The following ATP8B4 variants were observed in gnomAD, a reference collection of about 807,000 sequenced individuals.
ATP8B4 encodes the protein ATPase phospholipid transporting 8B4 (putative), also known as probable phospholipid-transporting ATPase IM.
Under a neutral mutation model 145.6 loss-of-function variants are expected in ATP8B4, and 133 were observed. That is an observed-to-expected ratio of 0.91 (90% CI 0.79 to 1.05). ATP8B4 has a LOEUF of 1.05. Among genes scored for constraint, ATP8B4 ranks in the 50% least tolerant of loss-of-function variants. The pLI is 0.00. For synonymous variants in ATP8B4, 507 were observed against 492.9 expected (o/e 1.03, Z -0.38); for missense variants, 1,458 against 1,425.2 (o/e 1.02, Z -0.37).
intron 1 of ATP8B4, among the ~76,000 whole-genome samples, chr15:50,181,365 T>C (rs1448620204): frequency 6.6e-6 from 1 of 152,188 alleles, no homozygotes; most frequent in Non-Finnish European, 1.5e-5. Flanking sequence ...AAAGAAATGG[T>C]TTTTGAGTCA....
chr15:49,921,031 A>T (rs749150644), intron 17 of ATP8B4, among the ~76,000 whole-genome samples: 1 of 152,190 alleles, frequency 6.6e-6, no homozygotes, highest in Admixed American at 6.5e-5. Flanking sequence ...TAGATGTTAA[A>T]TAGTCAGATA....
intron 25 of ATP8B4, among the ~76,000 whole-genome samples, chr15:49,867,153 G>A (rs74925066): frequency 6.6e-6 from 1 of 152,240 alleles, no homozygotes; most frequent in Non-Finnish European, 1.5e-5. Context: ...GGACACCACT[G>A]GTAAATATGA....
At chr15:50,145,010 A>ATTCCT (rs140050658) in intron 1 of ATP8B4, among the ~76,000 whole-genome samples, 8,091 of 152,280 alleles carry the variant, frequency 0.053, 351 homozygotes, top group Admixed American at 0.14. Flanking sequence ...GCAGTGACTG[A>ATTCCT]TATTAAATAG....
intron 1 of ATP8B4, among the ~76,000 whole-genome samples, chr15:50,157,896 A>G (rs974618304): frequency 5.5e-4 from 83 of 152,114 alleles, no homozygotes; most frequent in Non-Finnish European, 1.0e-3. Context: ...CTGCGATTGC[A>G]GGCGCGTGCC....
chr15:50,053,268 A>G (rs761378298), intron 3 of ATP8B4, among the ~76,000 whole-genome samples: 1 of 152,228 alleles, frequency 6.6e-6, no homozygotes, highest in Non-Finnish European at 1.5e-5. Flanking sequence ...ACTAACTTAC[A>G]CGAGTTGACA....
chr15:49,970,189 G>A (rs2044967375), intron 13 of ATP8B4, among the ~76,000 whole-genome samples: 1 of 152,176 alleles, frequency 6.6e-6, no homozygotes, highest in Admixed American at 6.5e-5. Flanking sequence ...AAAGCTGGAA[G>A]CATTCCCTTT....
At chr15:49,982,260 A>C (rs1477417521) in intron 10 of ATP8B4, among the ~76,000 whole-genome samples, 2 of 152,178 alleles carry the variant, frequency 1.3e-5, no homozygotes, top group African/African-American at 2.4e-5. Context: ...AGAAAAAAAG[A>C]AGCAATAATT....
chr15:49,971,887 A>G (rs2045174188), intron 13 of ATP8B4, among the ~76,000 whole-genome samples: 1 of 152,202 alleles, frequency 6.6e-6, no homozygotes, highest in African/African-American at 2.4e-5. Context: ...CCCATCAGTG[A>G]TAGACTGGAT....
intron 2 of ATP8B4, among the ~76,000 whole-genome samples, chr15:50,096,759 T>C (rs1218556137): frequency 3.3e-5 from 5 of 152,184 alleles, no homozygotes; most frequent in African/African-American, 7.2e-5. Flanking sequence ...AGAATTTTAG[T>C]ATAGTGAAAT....
chr15:49,894,653 C>A (rs1298612361), intron 23 of ATP8B4, among the ~76,000 whole-genome samples: 2 of 152,186 alleles, frequency 1.3e-5, no homozygotes, highest in Non-Finnish European at 2.9e-5. Flanking sequence ...AGTTCCATAA[C>A]CGCATTTAGA....
rs149008340 is a variant in ATP8B4 at position 49,898,100 on chromosome 15, C to T, written c.2441G>A (p.Gly814Asp). The T allele has an allele frequency of 1.2e-6, 2 of 1,613,712 alleles. No individual in the cohort carries two copies. The highest frequency in any genetic ancestry group is 1.7e-5 in the Admixed American group (1 of 59,976). The change falls in exon 22 of 28, where the codon GGT (glycine) becomes GAT (aspartate). Residue 814 changes from glycine (G) to aspartate (D), a missense_variant. Coordinates refer to ENST00000284509, the MANE Select transcript of ATP8B4 (RefSeq NM_024837.4). ...CATGCTGACATCATTGGCTCCATCA[C>T]CAATGGCCAAAGTAACAGCATTTCT... ...KYRNAVTLAIGDGANDVSMIK... is the reference protein window; with the variant it reads ...KYRNAVTLAIDDGANDVSMIK...
At chr15:49,862,841 C>T (rs567351430) in intron 26 of ATP8B4, among the ~76,000 whole-genome samples, 22 of 152,292 alleles carry the variant, frequency 1.4e-4, no homozygotes, top group East Asian at 7.7e-4. Flanking sequence ...CCCTCAGGAA[C>T]GGCTTAGTGG....
At position 49,862,307 on chromosome 15, in the gene ATP8B4, C is replaced by T; in HGVS notation, c.3235G>A (p.Val1079Ile). 3 of 1,613,796 alleles carry T rather than the reference C, an allele frequency of 1.9e-6. No homozygotes were observed. The highest frequency in any genetic ancestry group is 3.3e-5 in the Admixed American group (2 of 60,032). ...AATCTGAATGCCACCACTGGCATAA[C>T]TGAAGCCACTGTTGTTAAGAGAATT... ...LVILLTTVASVMPVVAFRFLK... is the reference protein window; with the variant it reads ...LVILLTTVASIMPVVAFRFLK... Residue 1079 changes from valine to isoleucine, a missense_variant, in exon 27 of 28, where the codon GTT (valine) becomes ATT (isoleucine). Transcript: ENST00000284509.
intron 25 of ATP8B4, among the ~76,000 whole-genome samples, chr15:49,867,258 T>C (rs1251784870): frequency 2.0e-5 from 3 of 152,220 alleles, no homozygotes; most frequent in Admixed American, 6.5e-5. Context: ...TGAAGGTTTG[T>C]ATTTCTAGTA....
At chr15:50,066,280 A>C (rs557689395) in intron 3 of ATP8B4, among the ~76,000 whole-genome samples, 46 of 152,284 alleles carry the variant, frequency 3.0e-4, no homozygotes, top group South Asian at 6.2e-4. Flanking sequence ...ACAGCACACA[A>C]AACAGAAGCC....
chr15:50,143,289 A>C (rs1400146198), intron 1 of ATP8B4, among the ~76,000 whole-genome samples: 1 of 152,224 alleles, frequency 6.6e-6, no homozygotes, highest in Non-Finnish European at 1.5e-5. Flanking sequence ...TGCTGCCTTC[A>C]GTCAGATACT....
intron 14 of ATP8B4, among the ~76,000 whole-genome samples, chr15:49,956,045 GA>G (rs201168099): frequency 6.6e-6 from 1 of 152,038 alleles, no homozygotes; most frequent in Admixed American, 6.5e-5. Context: ...ATAAAGAACA[GA>G]AAAAAATAGT....
intron 11 of ATP8B4, among the ~76,000 whole-genome samples, chr15:49,980,539 G>A (rs777516744): frequency 7.9e-5 from 12 of 152,090 alleles, no homozygotes; most frequent in Admixed American, 1.3e-4. Flanking sequence ...TTTGGTAAAC[G>A]AGTAGTAGAG....
Position 49,920,373 on chromosome 15 carries a change from G to A in ATP8B4, c.1796C>T (p.Ala599Val). 6.2e-7 allele frequency: 1 copy of A among 1,614,174 alleles called. No individual in the cohort carries two copies. Among genetic ancestry groups the A allele is most frequent in the Non-Finnish European group, 8.5e-7 (1 of 1,180,020 alleles). ...GTACTTGTCATCCAGGTCTCTGTAT[G>A]CGATGGCCAAGGTCCGAAGGCCTTC... ...AGEGLRTLAIAYRDLDDKYFK... is the reference protein window; with the variant it reads ...AGEGLRTLAIVYRDLDDKYFK... The change falls in exon 18 of 28, where the codon GCA becomes GTA. Residue 599 changes from alanine to valine, a missense_variant. Physicochemically the swap from Ala to Val is moderately conservative, Grantham distance 64. Transcript: ENST00000284509.
Sources: gnomAD v4.1 joint callset for allele counts (sites outside exome capture counted in the v4.1 genomes callset) on GRCh38, gnomAD v4.1.1 for gene constraint, MANE v1.5 for transcripts, NCBI Gene and HGNC (gene_info 2026-07-23, HGNC 2026-07-21) for gene names.